Variants in SLC8A1 observed in about 807,000 individuals in gnomAD.
The protein encoded by SLC8A1 is solute carrier family 8 member A1, also known as sodium/calcium exchanger 1.
Under a neutral mutation model 68.3 loss-of-function variants are expected in SLC8A1, and 18 were observed. That is an observed-to-expected ratio of 0.26 (90% CI 0.18 to 0.39). SLC8A1 has a LOEUF of 0.39. Ranked by LOEUF, SLC8A1 falls within the 10% of genes least tolerant of loss-of-function variation. The pLI, the probability that SLC8A1 is intolerant of heterozygous loss-of-function variation, is 1.00. For synonymous variants in SLC8A1, 475 were observed against 415.5 expected (o/e 1.14, Z -1.74); for missense variants, 985 against 1,156.7 (o/e 0.85, Z 2.15).
intron 2 of SLC8A1, among the ~76,000 whole-genome samples, chr2:40,244,965 T>G (rs1390319125): frequency 6.6e-6 from 1 of 152,202 alleles, no homozygotes; most frequent in Non-Finnish European, 1.5e-5. Flanking sequence ...ATAAGGAACC[T>G]AGGAAATCAA....
intron 2 of SLC8A1, among the ~76,000 whole-genome samples, chr2:40,307,947 C>T (rs1037323363): frequency 5.9e-5 from 9 of 151,576 alleles, no homozygotes; most frequent in Non-Finnish European, 1.2e-4. Context: ...TCATGAAGAG[C>T]AGGAGAAGAA....
chr2:40,162,544 T>C (rs2045867701), intron 5 of SLC8A1, among the ~76,000 whole-genome samples: 1 of 152,126 alleles, frequency 6.6e-6, no homozygotes, highest in African/African-American at 2.4e-5. Context: ...TAAACTTCTG[T>C]GTGTAAAACT....
intron 2 of SLC8A1, among the ~76,000 whole-genome samples, chr2:40,313,112 G>T (rs2073963237): frequency 6.6e-6 from 1 of 151,906 alleles, no homozygotes; most frequent in South Asian, 2.1e-4. Context: ...CCCTCTCCAA[G>T]TAATCAATAA....
chr2:40,176,657 A>G (rs1252045603), intron 3 of SLC8A1, among the ~76,000 whole-genome samples: 3 of 152,184 alleles, frequency 2.0e-5, no homozygotes, highest in Admixed American at 1.3e-4. Flanking sequence ...GGCCACAAAC[A>G]TGGGATGAAC....
In SLC8A1 at chr2:40,425,599, G is replaced by A. The variant is rs905748717; in HGVS notation, c.1808+2874C>T. Among the ~76,000 whole-genome samples the A allele has an allele frequency of 2.0e-5, 3 of 151,778 alleles. No homozygotes were observed. In the East Asian group the frequency reaches 5.8e-4, roughly 29 times the overall value. ...TCAAAGTACTTAATAAAGCTTGGTG[G>A]CGCCATCAGCCATGTTTAAGTACTG... On this transcript the variant is annotated intron_variant, in intron 2 of 7. Coordinates refer to ENST00000406785, the Ensembl canonical transcript of SLC8A1.
chr2:40,487,249 A>T (rs1705028342), intron 1 of SLC8A1, among the ~76,000 whole-genome samples: 1 of 152,080 alleles, frequency 6.6e-6, no homozygotes, highest in Non-Finnish European at 1.5e-5. Context: ...AATCGGTAAG[A>T]TGTAGAAATC....
intron 1 of SLC8A1, among the ~76,000 whole-genome samples, chr2:40,478,192 A>T (rs1483895817): frequency 6.6e-6 from 1 of 151,696 alleles, no homozygotes; most frequent in Non-Finnish European, 1.5e-5. Flanking sequence ...AGTTTTCCTG[A>T]TTGATATCTC....
intron 2 of SLC8A1, among the ~76,000 whole-genome samples, chr2:40,422,398 T>C (rs895111000): frequency 3.9e-5 from 6 of 152,204 alleles, no homozygotes; most frequent in African/African-American, 1.4e-4. Flanking sequence ...CTCAGCTTTG[T>C]TAGCTGACAG....
chr2:40,110,071 T>C (rs1012368563), exon 8 of SLC8A1: 56 of 152,144 alleles, frequency 3.7e-4, no homozygotes, highest in African/African-American at 1.3e-3. Context: ...CTGAGTACAT[T>C]TGGACATCTT....
chr2:40,233,477 T>C (rs1422018135), intron 2 of SLC8A1, among the ~76,000 whole-genome samples: 1 of 144,424 alleles, frequency 6.9e-6, no homozygotes, highest in Non-Finnish European at 1.5e-5. Flanking sequence ...TTTGAGTTCA[T>C]TGTAGATTCT....
chr2:40,440,219 G>A (rs1374993423), intron 1 of SLC8A1, among the ~76,000 whole-genome samples: 1 of 152,080 alleles, frequency 6.6e-6, no homozygotes, highest in Non-Finnish European at 1.5e-5. Context: ...AAGTGGTATG[G>A]TTTTAACGTT....
At chr2:40,400,238 GT>G (rs1688303589) in intron 2 of SLC8A1, among the ~76,000 whole-genome samples, 1 of 152,162 alleles carries the variant, frequency 6.6e-6, no homozygotes, top group Non-Finnish European at 1.5e-5. Context: ...TGTCTGAGGA[GT>G]TTTGTCTGCG....
intron 2 of SLC8A1, among the ~76,000 whole-genome samples, chr2:40,335,666 C>T (rs1167769764): frequency 5.3e-5 from 8 of 152,236 alleles, no homozygotes; most frequent in Admixed American, 5.2e-4. Flanking sequence ...TTTTCCATGG[C>T]CCACAGGGCC....
In SLC8A1 at chr2:40,178,240, C is replaced by G. The variant is rs555886720; in HGVS notation, c.1809-385G>C. 1.6e-5 allele frequency: 11 copies of G among 691,020 alleles called. No individual in the cohort carries two copies. The African/African-American group carries it at 1.9e-4, about 12-fold the overall frequency. 42.8% of individuals were successfully genotyped at this position (691,020 alleles called of 1,614,324 possible). On this transcript the variant is annotated intron_variant, in intron 2 of 7. Transcript: ENST00000406785. ...CTGGCTGATGTAGCTACAGGCCTGC[C>G]TACTGTGGCTCAGCATGAGATCTGT...
At chr2:40,423,442 C>G (rs1003961020) in intron 2 of SLC8A1, among the ~76,000 whole-genome samples, 2 of 152,006 alleles carry the variant, frequency 1.3e-5, no homozygotes, top group East Asian at 3.8e-4. Context: ...TCTTAGCCCA[C>G]TGATGGCCAC....
At chr2:40,384,431 T>C (rs1682921221) in intron 2 of SLC8A1, among the ~76,000 whole-genome samples, 1 of 152,076 alleles carries the variant, frequency 6.6e-6, no homozygotes, top group African/African-American at 2.4e-5. Flanking sequence ...GAACCTTGCA[T>C]CATGAATCAT....
At chr2:40,494,640 A>ATAT (rs1705555684) in intron 1 of SLC8A1, among the ~76,000 whole-genome samples, 2 of 92,658 alleles carry the variant, frequency 2.2e-5, no homozygotes, top group African/African-American at 1.1e-4. Flanking sequence ...CTTAAAGTAT[A>ATAT]ATATATATAT....
At chr2:40,165,873 G>A (rs542323484) in intron 4 of SLC8A1, among the ~76,000 whole-genome samples, 3 of 152,260 alleles carry the variant, frequency 2.0e-5, no homozygotes, top group South Asian at 4.1e-4. Context: ...ATGCATATAA[G>A]AAGGGCAAAC....
At chr2:40,333,663 A>C (rs565301748) in intron 2 of SLC8A1, among the ~76,000 whole-genome samples, 1 of 152,254 alleles carries the variant, frequency 6.6e-6, no homozygotes, top group East Asian at 1.9e-4. Context: ...AGAATAAATA[A>C]AACAATTTCA....
Sources: gnomAD v4.1 joint callset for allele counts (sites outside exome capture counted in the v4.1 genomes callset) on GRCh38, gnomAD v4.1.1 for gene constraint, MANE v1.5 for transcripts, NCBI Gene and HGNC (gene_info 2026-07-23, HGNC 2026-07-21) for gene names.